NBPF20: variants seen among roughly 807,000 people sequenced by gnomAD.
NBPF20 encodes the protein NBPF member 20.
Under a neutral mutation model 68.1 loss-of-function variants are expected in NBPF20, and 90 were observed. The observed-to-expected ratio is 1.32, with a 90% CI of 1.11 to 1.58. The LOEUF is 1.58. NBPF20 is among the 40% of genes most tolerant of loss of function. The probability of loss-of-function intolerance (pLI) is 0.00; values close to 1 mark genes in which losing one functional copy is unlikely to be tolerated. For synonymous variants in NBPF20, 290 were observed against 228.1 expected, an observed-to-expected ratio of 1.27 and a Z score of -2.45; for missense variants, 816 against 601.2, an observed-to-expected ratio of 1.36 and a Z score of -3.74.
At chr1:145,395,629 T>C (rs1157981331) in intron 7 of NBPF20, among the ~76,000 whole-genome samples, 1 of 149,534 alleles carries the variant, frequency 6.7e-6, no homozygotes. Context: ...TACCAACAAA[T>C]AGGAAAAAAG....
intron 2 of NBPF20, among the ~76,000 whole-genome samples, chr1:145,403,597 A>G (rs1285914479): frequency 1.4e-4 from 21 of 152,262 alleles, no homozygotes; most frequent in African/African-American, 5.1e-4. Context: ...ACAGTCCGTG[A>G]GGTCTGACTC....
At position 145,291,501 on chromosome 1, in the gene NBPF20, C is replaced by T. The variant is rs1553657528; in HGVS notation, c.*25G>A. 22 of 1,612,026 alleles carry T rather than the reference C, an allele frequency of 1.4e-5. No individual in the cohort carries two copies. The East Asian group carries it at 4.0e-4, about 29-fold the overall frequency. ...CTATAGGTCCTGCCTGCAGGAATGA[C>T]ATCTCTCGGCTTAGTAAGGGCTGTT... On this transcript the variant is annotated 3_prime_UTR_variant, in exon 138 of 138. Transcript: ENST00000369373.
intron 129 of NBPF20, among the ~76,000 whole-genome samples, chr1:145,298,375 C>A (rs1286299535): frequency 6.9e-6 from 1 of 144,196 alleles, no homozygotes; most frequent in East Asian, 2.0e-4. Flanking sequence ...CACACAGACA[C>A]ACACACACAC....
At chr1:145,407,498 A>G (rs1197165257), upstream of NBPF20, among the ~76,000 whole-genome samples, 4 of 146,336 alleles carry the variant, frequency 2.7e-5, no homozygotes, top group Admixed American at 1.4e-4. Flanking sequence ...ATGAATATAT[A>G]TAATATATAT....
intron 3 of NBPF20, among the ~76,000 whole-genome samples, 164 bp downstream of exon 8, chr1:145,403,052 T>G: frequency 6.6e-6 from 1 of 151,984 alleles, no homozygotes. Context: ...ACATTTTTAT[T>G]ATCCTTCTTC....
At chr1:145,393,460 C>A (rs879978466) in intron 9 of NBPF20, among the ~76,000 whole-genome samples, 584 of 44,698 alleles carry the variant, frequency 0.013, 1 homozygote, top group African/African-American at 0.049. Flanking sequence ...CACACACAAA[C>A]ACACACACAC....
chr1:145,410,759 T>G, the NBPF20 span, among the ~76,000 whole-genome samples: 2 of 140,798 alleles, frequency 1.4e-5, no homozygotes, highest in South Asian at 4.4e-4. Context: ...TACATATATA[T>G]ATATACGTAT....
exon 138 of NBPF20, chr1:145,291,182 A>T (rs1375071010): frequency 4.6e-6 from 2 of 436,008 alleles, no homozygotes; most frequent in East Asian, 9.1e-5. Context: ...CAAAGATGAC[A>T]ATGACCTTGA....
At chr1:145,400,963 G>C in intron 5 of NBPF20, 96 bp downstream of exon 10, 2 of 1,477,366 alleles carry the variant, frequency 1.4e-6, no homozygotes, top group Non-Finnish European at 1.9e-6. Flanking sequence ...AGCAAATGTG[G>C]GTTTTTGGCC....
exon 138 of NBPF20, chr1:145,290,147 G>C (rs1385736301): frequency 3.4e-5 from 5 of 148,510 alleles, no homozygotes; most frequent in Non-Finnish European, 4.5e-5. Context: ...CCCAAAATTT[G>C]CAGTGTAGAG....
chr1:145,397,089 G>T (rs1253206849), intron 7 of NBPF20, among the ~76,000 whole-genome samples: 2 of 140,592 alleles, frequency 1.4e-5, no homozygotes, highest in African/African-American at 5.4e-5. Context: ...CCCTACAAAG[G>T]ACATGAACTC....
At chr1:145,334,851 G>A (rs1661559323) in intron 83 of NBPF20, among the ~76,000 whole-genome samples, 3 of 139,128 alleles carry the variant, frequency 2.2e-5, no homozygotes, top group African/African-American at 7.5e-5. Flanking sequence ...GAGAGAGAGA[G>A]AGAGAGAGGA....
At chr1:145,292,197 TA>T (rs1260722495) in intron 137 of NBPF20, among the ~76,000 whole-genome samples, 183 bp downstream of exon 142, 1 of 149,770 alleles carries the variant, frequency 6.7e-6, no homozygotes, top group East Asian at 1.9e-4. Context: ...GGCACGTTAG[TA>T]AAAGATAAGG....
intron 83 of NBPF20, among the ~76,000 whole-genome samples, chr1:145,334,862 G>C (rs1661559730): frequency 7.2e-6 from 1 of 139,000 alleles, no homozygotes; most frequent in Non-Finnish European, 1.6e-5. Flanking sequence ...AGAGAGAGGA[G>C]AAAGTAAGCT....
At chr1:145,292,195 A>G (rs1191621720) in intron 137 of NBPF20, among the ~76,000 whole-genome samples, 186 bp downstream of exon 142, 3 of 149,934 alleles carry the variant, frequency 2.0e-5, no homozygotes, top group Non-Finnish European at 4.4e-5. Context: ...ATGGCACGTT[A>G]GTAAAAGATA....
chr1:145,341,219 G>T (rs1180759032), intron 75 of NBPF20, among the ~76,000 whole-genome samples: 13 of 51,146 alleles, frequency 2.5e-4, no homozygotes, highest in Admixed American at 1.3e-3. Flanking sequence ...ATACTGGTAA[G>T]GGAGTAAAAG....
chr1:145,399,776 CAAAAAAAA>C (rs1176062364), intron 6 of NBPF20, among the ~76,000 whole-genome samples: 4 of 51,732 alleles, frequency 7.7e-5, no homozygotes, highest in South Asian at 1.8e-3. Context: ...GACTCCATCA[CAAAAAAAA>C]AAAAAAAAAA....
At chr1:145,291,339 C>A (rs1174951608) in exon 138 of NBPF20, 18 of 1,051,944 alleles carry the variant, frequency 1.7e-5, no homozygotes, top group Non-Finnish European at 2.5e-5. Context: ...TCACACCTAA[C>A]GTGGGTCCAT....
intron 112 of NBPF20, 77 bp downstream of exon 117, chr1:145,312,131 G>A: frequency 2.8e-5 from 3 of 106,220 alleles, no homozygotes; most frequent in South Asian, 7.8e-5. Context: ...AGCTCAGTAA[G>A]GGCCACTTGC....
Sources: allele counts gnomAD v4.1 joint callset (sites outside exome capture counted in the v4.1 genomes callset), GRCh38; gene constraint gnomAD v4.1.1; transcripts MANE v1.5; gene names NCBI Gene and HGNC (gene_info 2026-07-23, HGNC 2026-07-21).